Variants in CCDC171 observed in about 807,000 individuals in gnomAD.
CCDC171 encodes the protein coiled-coil domain containing 171, also known as coiled-coil domain-containing protein 171.
CCDC171 carries 177 observed loss-of-function variants against 168.2 expected under a neutral mutation model. The ratio of observed to expected loss-of-function variants is 1.05; its 90% CI spans 0.93 to 1.19. The LOEUF is 1.19. Among genes scored for constraint, CCDC171 ranks in the 50% most tolerant of loss-of-function variants. The pLI is 0.00. For missense variants in CCDC171, 1,991 were observed against 1,539.0 expected (o/e 1.29, Z -4.91); for synonymous variants, 687 against 540.8 (o/e 1.27, Z -3.75).
At chr9:16,091,890 T>G in the CCDC171 span, among the ~76,000 whole-genome samples, 1 of 152,202 alleles carries the variant, frequency 6.6e-6, no homozygotes. Context: ...AAAATTACGA[T>G]GTGAGTGAGT....
At chr9:15,847,702 A>C (rs1160898715) in intron 22 of CCDC171, among the ~76,000 whole-genome samples, 1 of 152,112 alleles carries the variant, frequency 6.6e-6, no homozygotes, top group Non-Finnish European at 1.5e-5. Flanking sequence ...TTTTTGAGAC[A>C]AACTCTTAAA....
intron 21 of CCDC171, among the ~76,000 whole-genome samples, chr9:15,804,472 T>G (rs1346366675): frequency 6.6e-6 from 1 of 151,774 alleles, no homozygotes; most frequent in Non-Finnish European, 1.5e-5. Flanking sequence ...CTTTTTTTTT[T>G]GCATCTATTG....
chr9:16,104,240 GCA>G, the CCDC171 span, among the ~76,000 whole-genome samples: 10 of 151,790 alleles, frequency 6.6e-5, 1 homozygote, highest in Admixed American at 6.6e-4. Context: ...CATCCTAATG[GCA>G]CAGATTCTCC....
At chr9:15,638,339 G>T (rs1177177426) in intron 7 of CCDC171, among the ~76,000 whole-genome samples, 1 of 152,028 alleles carries the variant, frequency 6.6e-6, no homozygotes, top group African/African-American at 2.4e-5. Flanking sequence ...GTGACATAAT[G>T]AACAAGAAGT....
chr9:15,577,720 A>G (rs935122232), intron 3 of CCDC171, among the ~76,000 whole-genome samples: 1 of 152,230 alleles, frequency 6.6e-6, no homozygotes, highest in African/African-American at 2.4e-5. Context: ...AGAGGAGATT[A>G]AGACAACCCA....
chr9:15,647,895 T>C (rs1400324576), intron 7 of CCDC171, among the ~76,000 whole-genome samples: 1 of 152,194 alleles, frequency 6.6e-6, no homozygotes, highest in Non-Finnish European at 1.5e-5. Context: ...TAACTCATTT[T>C]ATGAGGCCAG....
chr9:15,581,872 C>G (rs1465783005), intron 4 of CCDC171, among the ~76,000 whole-genome samples: 1 of 152,078 alleles, frequency 6.6e-6, no homozygotes, highest in Non-Finnish European at 1.5e-5. Flanking sequence ...TAGGCATGGG[C>G]AAGGACTTCA....
At position 16,004,989 on chromosome 9, in the gene CCDC171, A is replaced by G. The variant is rs1382398177; in HGVS notation, n.369-15600A>G. Among the ~76,000 whole-genome samples the G allele has an allele frequency of 3.3e-5, 5 of 152,228 alleles. No individual in the cohort carries two copies. In the East Asian group the frequency reaches 7.7e-4, roughly 23 times the overall value. On this transcript the variant is annotated intron_variant and non_coding_transcript_variant, in intron 3 of 9. Transcript: ENST00000486641. ...CATAGATACCATATGAATAACATATATATTACTCATATATACCAGCTTTAT... is the reference window on the plus strand; with the variant it reads ...CATAGATACCATATGAATAACATATGTATTACTCATATATACCAGCTTTAT...
chr9:15,845,063 T>C (rs2060837811), intron 21 of CCDC171, among the ~76,000 whole-genome samples: 1 of 152,130 alleles, frequency 6.6e-6, no homozygotes, highest in Non-Finnish European at 1.5e-5. Flanking sequence ...TAGTTTGATC[T>C]TCATATTTGA....
intron 16 of CCDC171, among the ~76,000 whole-genome samples, chr9:15,742,033 G>A (rs930247851): frequency 6.6e-6 from 1 of 152,000 alleles, no homozygotes; most frequent in Non-Finnish European, 1.5e-5. Flanking sequence ...TTATCTAAGT[G>A]TTGCTAGTTT....
chr9:15,870,435 G>A (rs894695673), intron 23 of CCDC171, among the ~76,000 whole-genome samples: 1 of 151,950 alleles, frequency 6.6e-6, no homozygotes, highest in African/African-American at 2.4e-5. Context: ...TTATTTTGAA[G>A]CATCGGAGGC....
the CCDC171 span, among the ~76,000 whole-genome samples, chr9:16,090,063 T>C: frequency 6.6e-6 from 1 of 152,222 alleles, no homozygotes; most frequent in Non-Finnish European, 1.5e-5. Context: ...AGCAATCTCA[T>C]TACTGGGTAT....
the CCDC171 span, among the ~76,000 whole-genome samples, chr9:16,089,185 C>A: frequency 6.6e-6 from 1 of 151,942 alleles, no homozygotes; most frequent in Non-Finnish European, 1.5e-5. Context: ...TGGACCCCTT[C>A]TTTACATCTT....
At chr9:15,949,309 T>C (rs945066979) in intron 25 of CCDC171, among the ~76,000 whole-genome samples, 2 of 152,106 alleles carry the variant, frequency 1.3e-5, no homozygotes, top group African/African-American at 4.8e-5. Context: ...GATTCGGGCT[T>C]TTTTTGGTTC....
downstream of CCDC171, among the ~76,000 whole-genome samples, chr9:16,066,401 C>T (rs553240146): frequency 1.3e-5 from 2 of 152,052 alleles, no homozygotes; most frequent in African/African-American, 2.4e-5. Flanking sequence ...GAAAAATCCC[C>T]TGTCATGCCA....
At chr9:15,633,081 C>G (rs549184368) in intron 7 of CCDC171, among the ~76,000 whole-genome samples, 1 of 152,228 alleles carries the variant, frequency 6.6e-6, no homozygotes, top group South Asian at 2.1e-4. Context: ...ATAGGAAAAC[C>G]TAGGCATTAG....
chr9:15,849,777 A>G (rs2061049502), intron 23 of CCDC171, among the ~76,000 whole-genome samples: 1 of 151,864 alleles, frequency 6.6e-6, no homozygotes, highest in South Asian at 2.1e-4. Context: ...TTTATATAAT[A>G]TCATTTTATA....
At chr9:15,866,614 C>G (rs2061798567) in intron 23 of CCDC171, among the ~76,000 whole-genome samples, 1 of 151,930 alleles carries the variant, frequency 6.6e-6, no homozygotes, top group East Asian at 1.9e-4. Context: ...GTGGAATGAT[C>G]AGCAGGATGT....
chr9:16,080,770 A>G, the CCDC171 span, among the ~76,000 whole-genome samples: 2 of 152,086 alleles, frequency 1.3e-5, no homozygotes, highest in South Asian at 4.2e-4. Context: ...CTGTGTCCCA[A>G]AGACAGCTCA....
Sources: allele counts gnomAD v4.1 joint callset (sites outside exome capture counted in the v4.1 genomes callset), GRCh38; gene constraint gnomAD v4.1.1; transcripts MANE v1.5; gene names NCBI Gene and HGNC (gene_info 2026-07-23, HGNC 2026-07-21).